METAP1: variants seen among roughly 807,000 people sequenced by gnomAD.
The protein encoded by METAP1 is methionine aminopeptidase 1.
In METAP1, 28 loss-of-function variants were observed where a neutral mutation model predicts 53.8. The ratio of observed to expected loss-of-function variants is 0.52; its 90% CI spans 0.39 to 0.71. The LOEUF (loss-of-function observed/expected upper bound fraction) is 0.71, where lower values mean the gene tolerates loss of function less well. Among genes scored for constraint, METAP1 ranks in the 30% least tolerant of loss-of-function variants. The probability of loss-of-function intolerance (pLI) is 0.00; values close to 1 mark genes in which losing one functional copy is unlikely to be tolerated. For missense variants in METAP1, 389 were observed against 479.8 expected (o/e 0.81, Z 1.77); for synonymous variants, 181 against 165.7 (o/e 1.09, Z -0.71).
At chr4:99,055,165 C>T (rs1215724317) in intron 9 of METAP1, among the ~76,000 whole-genome samples, 3 of 151,818 alleles carry the variant, frequency 2.0e-5, no homozygotes, top group Admixed American at 6.6e-5. Flanking sequence ...CTGAAGCAGG[C>T]GGATCATTTG....
chr4:99,061,056 A>G lies in METAP1; in HGVS notation c.998-98A>G, dbSNP rs1171386358. ...ATTAGCTAAAACAATTGGCATGTAAATAAGGATCTTAGTAGTGAATTTTTT... is the reference window on the plus strand; with the variant it reads ...ATTAGCTAAAACAATTGGCATGTAAGTAAGGATCTTAGTAGTGAATTTTTT... On this transcript the variant is annotated intron_variant, in intron 10 of 10. Coordinates refer to ENST00000296411, the MANE Select transcript of METAP1 (RefSeq NM_015143.3). 1.9e-5 allele frequency: 24 copies of G among 1,266,874 alleles called. 1 individual carries two copies. In the South Asian group the frequency reaches 3.3e-4, roughly 18 times the overall value. 78.5% of individuals were successfully genotyped at this position (1,266,874 alleles called of 1,614,324 possible).
At position 99,031,341 on chromosome 4, in the gene METAP1, GTGTT is replaced by G. The variant is rs751743174; in HGVS notation, c.166+2429_166+2432del. On this transcript the variant is annotated intron_variant, in intron 2 of 10. Coordinates refer to ENST00000296411, the MANE Select transcript of METAP1 (RefSeq NM_015143.3). ...TTAATGTATCGCTGACATATTCAGT[GTGTT>G]TGTTTCTCATTTTCCTGAAGTAAAG... is the stretch of plus-strand genomic sequence containing the variant. 1.1e-5 allele frequency: 6 copies of G among 560,510 alleles called. No homozygotes were observed. In the East Asian group the frequency reaches 4.4e-4, roughly 41 times the overall value. 34.7% of individuals were successfully genotyped at this position (560,510 alleles called of 1,614,324 possible).
chr4:99,020,831 C>G (rs1011383654), intron 1 of METAP1, among the ~76,000 whole-genome samples: 1 of 152,198 alleles, frequency 6.6e-6, no homozygotes, highest in Non-Finnish European at 1.5e-5. Flanking sequence ...AGCAACAATA[C>G]TTGATCATTA....
At chr4:99,046,941 A>AC (rs1726297925) in intron 8 of METAP1, among the ~76,000 whole-genome samples, 1 of 132,232 alleles carries the variant, frequency 7.6e-6, no homozygotes. Flanking sequence ...AGAAACAAAA[A>AC]AAAAAAAAAA....
chr4:99,014,511 C>T (rs374625214), intron 1 of METAP1, among the ~76,000 whole-genome samples: 17 of 152,116 alleles, frequency 1.1e-4, no homozygotes, highest in African/African-American at 2.2e-4. Flanking sequence ...TTTTGTTTAT[C>T]GTGACCCACC....
At chr4:99,015,726 G>A (rs1320829689) in intron 1 of METAP1, among the ~76,000 whole-genome samples, 2 of 152,080 alleles carry the variant, frequency 1.3e-5, no homozygotes, top group Non-Finnish European at 2.9e-5. Context: ...TTCTGAAGAG[G>A]CTAGTTGCCT....
chr4:99,029,941 T>G (rs1724877423), intron 2 of METAP1, among the ~76,000 whole-genome samples: 2 of 152,130 alleles, frequency 1.3e-5, no homozygotes, highest in Admixed American at 1.3e-4. Context: ...TGGTTAGAGA[T>G]GAGGAAAAAT....
chr4:99,007,739 G>A (rs1579242545), intron 1 of METAP1, among the ~76,000 whole-genome samples: 1 of 152,214 alleles, frequency 6.6e-6, no homozygotes, highest in South Asian at 2.1e-4. Flanking sequence ...TGTTCAAATT[G>A]TCTCAAATTT....
chr4:99,022,345 C>T (rs1724174952), intron 1 of METAP1: 1 of 858,432 alleles, frequency 1.2e-6, no homozygotes, highest in Non-Finnish European at 1.6e-6. Flanking sequence ...TCCCTCCATG[C>T]TCTCTGAGGG....
At chr4:99,026,470 G>A (rs759945549) in intron 1 of METAP1, 109 of 985,250 alleles carry the variant, frequency 1.1e-4, no homozygotes, top group East Asian at 7.9e-4. Flanking sequence ...TTCTGAGGAC[G>A]TAGTTATAAC....
intron 9 of METAP1, among the ~76,000 whole-genome samples, chr4:99,056,752 G>A (rs1024857240): frequency 1.1e-4 from 16 of 152,148 alleles, no homozygotes; most frequent in African/African-American, 3.4e-4. Flanking sequence ...TGTATTTTTA[G>A]TAGAGACAGG....
intron 8 of METAP1, among the ~76,000 whole-genome samples, chr4:99,046,936 C>CAAAAAAAAAAA (rs56702946): frequency 6.1e-4 from 50 of 82,180 alleles, no homozygotes; most frequent in East Asian, 1.1e-3. Flanking sequence ...ACTGAAGAAA[C>CAAAAAAAAAAA]AAAAAAAAAA....
chr4:99,037,958 T>C (rs376389381), intron 4 of METAP1: 6 of 152,082 alleles, frequency 3.9e-5, no homozygotes, highest in African/African-American at 1.4e-4. Flanking sequence ...TTTTAAAGTT[T>C]TATTTGACTC....
At chr4:98,999,284 C>T (rs186008543) in intron 1 of METAP1, among the ~76,000 whole-genome samples, 1 of 151,826 alleles carries the variant, frequency 6.6e-6, no homozygotes, top group Non-Finnish European at 1.5e-5. Flanking sequence ...AATCACAGCT[C>T]CATCATTTAC....
At chr4:99,034,438 G>T in intron 3 of METAP1, 96 bp downstream of exon 3, 4 of 747,284 alleles carry the variant, frequency 5.4e-6, no homozygotes, top group Non-Finnish European at 9.2e-6. Context: ...ATATAATCAG[G>T]ATTGTGTTTA....
intron 5 of METAP1, among the ~76,000 whole-genome samples, chr4:99,039,886 C>G (rs1035001858): frequency 1.3e-5 from 2 of 152,050 alleles, no homozygotes; most frequent in Admixed American, 1.3e-4. Flanking sequence ...GCCACCACAC[C>G]TGGCCTTTTT....
At chr4:99,004,790 C>CA (rs1723103561) in intron 1 of METAP1, among the ~76,000 whole-genome samples, 1 of 152,112 alleles carries the variant, frequency 6.6e-6, no homozygotes, top group African/African-American at 2.4e-5. Flanking sequence ...TCTTTTACAA[C>CA]ATGCGTTTTT....
intron 7 of METAP1, among the ~76,000 whole-genome samples, chr4:99,044,866 C>T (rs1226685594): frequency 6.6e-6 from 1 of 152,102 alleles, no homozygotes; most frequent in Non-Finnish European, 1.5e-5. Flanking sequence ...ATGTTACTAA[C>T]TCTGGTAATT....
chr4:99,017,066 C>T (rs559514256), intron 1 of METAP1, among the ~76,000 whole-genome samples: 1 of 152,216 alleles, frequency 6.6e-6, no homozygotes, highest in Non-Finnish European at 1.5e-5. Context: ...ACAGCCATTG[C>T]TGCTCTTTTG....
Sources: allele counts gnomAD v4.1 joint callset (sites outside exome capture counted in the v4.1 genomes callset), GRCh38; gene constraint gnomAD v4.1.1; transcripts MANE v1.5; gene names NCBI Gene and HGNC (gene_info 2026-07-23, HGNC 2026-07-21).